Variants in GCNT2 observed in about 807,000 individuals in gnomAD.
The protein encoded by GCNT2 is glucosaminyl (N-acetyl) transferase 2 (I blood group).
A neutral mutation model predicts 34.2 loss-of-function variants in GCNT2; 34 were observed. The ratio of observed to expected loss-of-function variants is 1.00; its 90% CI spans 0.76 to 1.32. The LOEUF is 1.32. Ranked by LOEUF, GCNT2 falls within the 40% of genes most tolerant of loss-of-function variation. The pLI is 0.00. For missense variants in GCNT2, 584 were observed against 489.4 expected, an observed-to-expected ratio of 1.19 and a Z score of -1.82; for synonymous variants, 212 against 188.0, an observed-to-expected ratio of 1.13 and a Z score of -1.04.
intron 3 of GCNT2, among the ~76,000 whole-genome samples, chr6:10,605,997 G>A (rs1296964471): frequency 6.6e-6 from 1 of 152,102 alleles, no homozygotes; most frequent in African/African-American, 2.4e-5. Flanking sequence ...TCAAGGAGAG[G>A]ACAAGCCCTG....
chr6:10,562,782 G>T (rs1199648741), intron 3 of GCNT2, among the ~76,000 whole-genome samples: 1 of 152,058 alleles, frequency 6.6e-6, no homozygotes, highest in African/African-American at 2.4e-5. Flanking sequence ...GAAGCCAAGG[G>T]CTGGGGACAG....
intron 3 of GCNT2, chr6:10,575,213 CT>C: frequency 2.7e-6 from 1 of 367,174 alleles, no homozygotes; most frequent in Non-Finnish European, 5.2e-6. Flanking sequence ...TCCTCTTTTC[CT>C]TTGTGTTCGT....
At chr6:10,577,518 T>G (rs922899432) in intron 3 of GCNT2, among the ~76,000 whole-genome samples, 1 of 152,140 alleles carries the variant, frequency 6.6e-6, no homozygotes, top group African/African-American at 2.4e-5. Context: ...GTTCCATGGT[T>G]TGTTGAATGC....
intron 3 of GCNT2, among the ~76,000 whole-genome samples, chr6:10,557,643 A>G (rs1762784789): frequency 2.0e-5 from 3 of 151,970 alleles, no homozygotes; most frequent in Admixed American, 6.6e-5. Context: ...GCACACCACC[A>G]TACTGGGCTA....
At chr6:10,563,764 AAAAAAAAAAAAAAATATAT>A (rs1763134150) in intron 3 of GCNT2, among the ~76,000 whole-genome samples, 2 of 55,394 alleles carry the variant, frequency 3.6e-5, no homozygotes, top group Non-Finnish European at 7.0e-5. Flanking sequence ...AAGAAAAAAA[AAAAAAAAAAAAAAATATAT>A]ATATATATAT....
At position 10,614,034 on chromosome 6, in the gene GCNT2, C is replaced by A. The variant is rs968076208; in HGVS notation, c.926-7317C>A. ...CTGGACATTGGCAAGAGTGATGGGACTGGTAGCTTTGGGATCTCCATGTAT... is the reference window on the plus strand; with the variant it reads ...CTGGACATTGGCAAGAGTGATGGGAATGGTAGCTTTGGGATCTCCATGTAT... On this transcript the variant is annotated intron_variant, in intron 3 of 4. Transcript: ENST00000495262. 4.6e-5 allele frequency among the ~76,000 whole-genome samples: 7 copies of A among 152,294 alleles called. No homozygotes were observed. In the South Asian group the frequency reaches 1.0e-3, roughly 23 times the overall value.
intron 3 of GCNT2, among the ~76,000 whole-genome samples, chr6:10,577,064 C>G (rs968057831): frequency 6.6e-6 from 1 of 152,070 alleles, no homozygotes; most frequent in African/African-American, 2.4e-5. Context: ...GGTGATAGAG[C>G]GAGATCTCAT....
intron 3 of GCNT2, among the ~76,000 whole-genome samples, chr6:10,568,993 G>T (rs1047929904): frequency 2.0e-5 from 3 of 151,852 alleles, no homozygotes; most frequent in Non-Finnish European, 4.4e-5. Context: ...TGTCATTCTA[G>T]AATCTCTGCA....
intron 3 of GCNT2, among the ~76,000 whole-genome samples, chr6:10,564,035 A>G (rs910464791): frequency 2.0e-5 from 3 of 152,054 alleles, no homozygotes; most frequent in African/African-American, 7.2e-5. Flanking sequence ...AGACCCACTC[A>G]AAAACTTTCT....
chr6:10,585,795 C>T, intron 3 of GCNT2: 1 of 1,441,110 alleles, frequency 6.9e-7, no homozygotes, highest in South Asian at 1.5e-5. Flanking sequence ...ACCGCATCTC[C>T]AGGCACATCC....
chr6:10,586,895 G>A (rs754471284), intron 3 of GCNT2: 6 of 1,613,140 alleles, frequency 3.7e-6, no homozygotes, highest in Non-Finnish European at 5.1e-6. Flanking sequence ...ATTTCTGGGT[G>A]ACACTTAATA....
rs57813293 is a variant in GCNT2, at chr6:10,544,945, CAAATAAAT to C, written c.925+15138_925+15145del. 7.7e-3 allele frequency among the ~76,000 whole-genome samples: 1,144 copies of C among 149,062 alleles called. 5 individuals carry two copies. The highest frequency in any genetic ancestry group is 0.023 in the African/African-American group (924 of 39,928). On this transcript the variant is annotated intron_variant, in intron 3 of 4. Transcript: ENST00000495262. ...TGGCAACAGAGCAAAAACTCTGTCTCAAATAAATAAATAAATAAATAAATAAATAAATA... is the reference window on the plus strand; with the variant it reads ...TGGCAACAGAGCAAAAACTCTGTCTCAAATAAATAAATAAATAAATAAATA...
intron 3 of GCNT2, among the ~76,000 whole-genome samples, chr6:10,540,052 T>C (rs772030699): frequency 6.6e-6 from 1 of 151,166 alleles, no homozygotes; most frequent in Non-Finnish European, 1.5e-5. Context: ...CACTCCAGTC[T>C]TGGTGACAGA....
intron 4 of GCNT2, among the ~76,000 whole-genome samples, chr6:10,625,639 C>T (rs1766226547): frequency 6.6e-6 from 1 of 152,124 alleles, no homozygotes; most frequent in Non-Finnish European, 1.5e-5. Context: ...TTACTCAACG[C>T]AACCCATAAA....
chr6:10,541,800 C>T (rs984483825), intron 3 of GCNT2, among the ~76,000 whole-genome samples: 1 of 152,152 alleles, frequency 6.6e-6, no homozygotes, highest in African/African-American at 2.4e-5. Context: ...TGCAAAAATC[C>T]TGGTTATCTT....
intron 3 of GCNT2, chr6:10,586,751 T>A: frequency 6.2e-7 from 1 of 1,614,118 alleles, no homozygotes; most frequent in Middle Eastern, 1.6e-4. Flanking sequence ...AAACTTCACC[T>A]CCACATCAGC....
intron 3 of GCNT2, chr6:10,557,200 C>T (rs867015222): frequency 1.3e-6 from 2 of 1,564,086 alleles, no homozygotes; most frequent in South Asian, 2.4e-5. Flanking sequence ...TCACAATTTA[C>T]TTTGGCTCTG....
intron 3 of GCNT2, among the ~76,000 whole-genome samples, chr6:10,533,482 T>G (rs989326103): frequency 6.6e-6 from 1 of 150,412 alleles, no homozygotes; most frequent in South Asian, 2.1e-4. Flanking sequence ...AAGCAGATAA[T>G]ATGAATTTAA....
intron 3 of GCNT2, among the ~76,000 whole-genome samples, chr6:10,533,799 T>C (rs1761617197): frequency 2.5e-5 from 1 of 39,596 alleles, no homozygotes; most frequent in Non-Finnish European, 4.2e-5. Flanking sequence ...AGACTCTGTC[T>C]CAAAAAAAAA....
Sources: allele counts gnomAD v4.1 joint callset (sites outside exome capture counted in the v4.1 genomes callset), GRCh38; gene constraint gnomAD v4.1.1; transcripts MANE v1.5; gene names NCBI Gene and HGNC (gene_info 2026-07-23, HGNC 2026-07-21).